The following MPP7 variants were observed in gnomAD, a reference collection of about 807,000 sequenced individuals.
MPP7 encodes MAGUK p55 subfamily member 7.
A neutral mutation model predicts 76.5 loss-of-function variants in MPP7; 60 were observed. The ratio of observed to expected loss-of-function variants is 0.78; its 90% CI spans 0.64 to 0.97. The LOEUF is 0.97. Among genes scored for constraint, MPP7 ranks in the 50% least tolerant of loss-of-function variants. MPP7 has a pLI of 0.00. For missense variants in MPP7, 641 were observed against 694.0 expected (o/e 0.92, Z 0.86); for synonymous variants, 237 against 244.5 (o/e 0.97, Z 0.29).
At chr10:28,277,724 C>T (rs140025649) in intron 1 of MPP7, among the ~76,000 whole-genome samples, 18 of 152,042 alleles carry the variant, frequency 1.2e-4, no homozygotes, top group Non-Finnish European at 1.0e-4. Flanking sequence ...TAATCTAGGT[C>T]AGAAGTGAGC....
In MPP7 at chr10:28,171,327, G is replaced by GA. The variant is rs571317102; in HGVS notation, c.157-21269dup. On this transcript the variant is annotated intron_variant, in intron 3 of 16. Transcript: ENST00000683449. ...GAAAATTAATGAAAACCAGAAGAGG[G>GA]AAAGTAAAGAAAATTTTTCTCTCTG... is the stretch of plus-strand genomic sequence containing the variant. 4.5e-4 allele frequency among the ~76,000 whole-genome samples: 69 copies of GA among 152,282 alleles called. No homozygotes were observed. In the South Asian group the frequency reaches 6.0e-3, roughly 13 times the overall value.
chr10:28,197,917 T>TA (rs1250721484), intron 3 of MPP7, among the ~76,000 whole-genome samples: 1 of 152,024 alleles, frequency 6.6e-6, no homozygotes, highest in Non-Finnish European at 1.5e-5. Flanking sequence ...CCCCCAAAAT[T>TA]AAAAAATATG....
chr10:28,288,415 A>AT (rs1230647382), intron 1 of MPP7, among the ~76,000 whole-genome samples: 1 of 151,892 alleles, frequency 6.6e-6, no homozygotes, highest in African/African-American at 2.4e-5. Context: ...AATTTTTTAA[A>AT]TTTTTTGTAG....
At chr10:28,318,979 G>A (rs1400652157) in intron 2 of MPP7, among the ~76,000 whole-genome samples, 1 of 152,182 alleles carries the variant, frequency 6.6e-6, no homozygotes, top group African/African-American at 2.4e-5. Flanking sequence ...AAACATATTT[G>A]AATGTTTGTA....
At chr10:28,129,770 C>T (rs1214041424) in intron 6 of MPP7, among the ~76,000 whole-genome samples, 1 of 152,022 alleles carries the variant, frequency 6.6e-6, no homozygotes, top group East Asian at 1.9e-4. Flanking sequence ...GATTCCCAGG[C>T]ACCAAAAAAA....
At chr10:28,210,863 A>G (rs1838109132) in intron 2 of MPP7, among the ~76,000 whole-genome samples, 1 of 152,196 alleles carries the variant, frequency 6.6e-6, no homozygotes, top group Non-Finnish European at 1.5e-5. Flanking sequence ...TAAGACCATA[A>G]TCTTAATTTA....
At chr10:28,246,596 T>C (rs1839442491) in intron 1 of MPP7, among the ~76,000 whole-genome samples, 1 of 152,158 alleles carries the variant, frequency 6.6e-6, no homozygotes, top group African/African-American at 2.4e-5. Flanking sequence ...CTTTTATAAA[T>C]TTTCAGGCTG....
upstream of MPP7, among the ~76,000 whole-genome samples, chr10:28,303,140 G>A (rs1841209387): frequency 6.7e-6 from 1 of 150,152 alleles, no homozygotes; most frequent in Non-Finnish European, 1.5e-5. Flanking sequence ...GGGTAAGAGG[G>A]GCCTGCTGAT....
chr10:28,331,608 G>A (rs1037807162), intron 1 of MPP7, among the ~76,000 whole-genome samples: 4 of 151,830 alleles, frequency 2.6e-5, no homozygotes, highest in African/African-American at 7.3e-5. Context: ...ACAGAGTCTC[G>A]CTGTCACCCA....
At chr10:28,111,142 A>G (rs1408639166) in intron 11 of MPP7, among the ~76,000 whole-genome samples, 1 of 152,194 alleles carries the variant, frequency 6.6e-6, no homozygotes, top group Non-Finnish European at 1.5e-5. Flanking sequence ...AAAGAAAATG[A>G]GAAAGGAAAT....
chr10:28,253,141 C>T (rs1460950671), intron 1 of MPP7, among the ~76,000 whole-genome samples: 6 of 152,112 alleles, frequency 3.9e-5, no homozygotes, highest in Non-Finnish European at 7.4e-5. Flanking sequence ...CTCCTGACCT[C>T]GTGATCTACC....
At chr10:28,060,050 C>CTT (rs60401724) in intron 13 of MPP7, among the ~76,000 whole-genome samples, 2 of 137,758 alleles carry the variant, frequency 1.5e-5, no homozygotes, top group African/African-American at 2.6e-5. Context: ...GGAAAAAAAC[C>CTT]TTTTTTTTTT....
At chr10:28,067,813 T>C (rs1852051616) in intron 13 of MPP7, among the ~76,000 whole-genome samples, 1 of 152,174 alleles carries the variant, frequency 6.6e-6, no homozygotes, top group South Asian at 2.1e-4. Context: ...AGATAGTCTG[T>C]AGTTTTAAAG....
intron 3 of MPP7, among the ~76,000 whole-genome samples, chr10:28,177,337 G>A (rs1349574566): frequency 2.0e-5 from 3 of 150,982 alleles, no homozygotes; most frequent in East Asian, 3.9e-4. Context: ...GAAACAAGGA[G>A]GCAGAGGTTG....
intron 11 of MPP7, among the ~76,000 whole-genome samples, chr10:28,107,936 A>G (rs1834375600): frequency 6.6e-6 from 1 of 152,224 alleles, no homozygotes; most frequent in Non-Finnish European, 1.5e-5. Context: ...TGAAATGAGT[A>G]AAGAATACAA....
intron 2 of MPP7, among the ~76,000 whole-genome samples, chr10:28,219,744 A>T (rs1838434925): frequency 6.6e-6 from 1 of 152,154 alleles, no homozygotes; most frequent in South Asian, 2.1e-4. Context: ...ACCTAGGGCT[A>T]ATAAACACTA....
intron 2 of MPP7, among the ~76,000 whole-genome samples, chr10:28,323,408 G>C (rs1468298788): frequency 6.6e-6 from 1 of 151,532 alleles, no homozygotes; most frequent in Non-Finnish European, 1.5e-5. Context: ...AGCTAAGATC[G>C]CACCACTGTA....
chr10:28,080,753 A>G (rs1852722944), intron 12 of MPP7, among the ~76,000 whole-genome samples: 1 of 152,212 alleles, frequency 6.6e-6, no homozygotes, highest in South Asian at 2.1e-4. Flanking sequence ...AGTGAAGATC[A>G]CATTTACCTT....
chr10:28,200,402 T>C (rs55910750), intron 3 of MPP7, among the ~76,000 whole-genome samples: 10 of 152,360 alleles, frequency 6.6e-5, no homozygotes, highest in Non-Finnish European at 1.5e-4. Context: ...ACATGTGTTA[T>C]TGTGCTATCT....
Sources: gnomAD v4.1 joint callset for allele counts (sites outside exome capture counted in the v4.1 genomes callset) on GRCh38, gnomAD v4.1.1 for gene constraint, MANE v1.5 for transcripts, NCBI Gene and HGNC (gene_info 2026-07-23, HGNC 2026-07-21) for gene names.